LCN2: variants seen among roughly 807,000 people sequenced by gnomAD.
The protein encoded by LCN2 is neutrophil gelatinase-associated lipocalin.
LCN2 carries 27 observed loss-of-function variants against 26.4 expected under a neutral mutation model. The ratio of observed to expected loss-of-function variants is 1.02; its 90% CI spans 0.76 to 1.41. The LOEUF (loss-of-function observed/expected upper bound fraction) is 1.41. Among genes scored for constraint, LCN2 ranks in the 40% most tolerant of loss-of-function variants. The pLI is 0.00. For missense variants in LCN2, 224 were observed against 237.6 expected (o/e 0.94, Z 0.38); for synonymous variants, 94 against 98.9 (o/e 0.95, Z 0.30).
rs1382119845 is a variant in LCN2 at position 128,153,035 on chromosome 9, C to T, written c.578-65C>T. On this transcript the variant is annotated intron_variant, in intron 5 of 6. Transcript: ENST00000277480. This position sits in a 1 kb window ranked among gnomAD's most constrained non-coding sequence, Gnocchi z 5.4. ...GAGGACCTGGCAGTCAGGGATCACA[C>T]ACACACACTCATACACGCACACACA... 5.6e-6 allele frequency: 9 copies of T among 1,612,110 alleles called. No homozygotes were observed. The Admixed American group carries it at 1.5e-4, about 27-fold the overall frequency.
chr9:128,152,321 G>A (rs1234499176), intron 5 of LCN2, 37 bp downstream of exon 5: 1 of 1,556,946 alleles, frequency 6.4e-7, no homozygotes, highest in South Asian at 1.1e-5. Flanking sequence ...GGGGACATGG[G>A]GACTGTTCAG....
chr9:128,152,452 C>A, intron 5 of LCN2, 168 bp downstream of exon 5: 1 of 638,906 alleles, frequency 1.6e-6, no homozygotes. Context: ...GAAGACTGTG[C>A]CCCACCCCAG....
intron 2 of LCN2, chr9:128,150,674 G>A: frequency 1.8e-6 from 1 of 569,860 alleles, no homozygotes; most frequent in Non-Finnish European, 3.3e-6. Context: ...TTCATGGAAG[G>A]CTTCCAGGGA....
At chr9:128,152,399 AG>A in intron 5 of LCN2, 115 bp downstream of exon 5, 4 of 903,000 alleles carry the variant, frequency 4.4e-6, no homozygotes, top group Non-Finnish European at 7.0e-6. Flanking sequence ...TCACTGGAGC[AG>A]TGGATGGTCC....
In LCN2 at chr9:128,153,165, G is replaced by T. The variant is rs373628351; in HGVS notation, c.*7+39G>T. 6.2e-7 allele frequency: 1 copy of T among 1,613,332 alleles called. No individual in the cohort carries two copies. Among genetic ancestry groups the T allele is most frequent in the African/African-American group, 1.3e-5 (1 of 74,892 alleles). On this transcript the variant is annotated intron_variant, in intron 6 of 6. Transcript: ENST00000277480. The surrounding 1 kb of genome is among the most constrained non-coding windows in gnomAD (Gnocchi z 5.4). ...GGCGGCTGCGAGGGGGCTTGTGGGA[G>T]GCCAGGGTGCAGTGGGCTGGGGGTC... is the stretch of plus-strand genomic sequence containing the variant.
chr9:128,151,742 C>G, intron 3 of LCN2, 25 bp downstream of exon 3: 1 of 1,610,152 alleles, frequency 6.2e-7, no homozygotes, highest in Non-Finnish European at 8.5e-7. Flanking sequence ...AGGTGGGGCA[C>G]TGAGTTGGGG....
rs745942620 is a variant in LCN2, at chr9:128,151,647, G to A, written c.285G>A (p.Lys95=). ...NVTSVLFRKK[K]CDYWIRTFVP... ...ATCTCTCCCTCCCAAGGAAAAAGAA[G>A]TGTGACTACTGGATCAGGACTTTTG... Residue 95 remains lysine, a synonymous_variant, in exon 3 of 7, where the codon AAG becomes AAA. Transcript: ENST00000277480. 1.2e-6 allele frequency: 2 copies of A among 1,614,052 alleles called. No homozygotes were observed. The highest frequency in any genetic ancestry group is 1.7e-6 in the Non-Finnish European group (2 of 1,179,874).
chr9:128,153,400 C>T lies in LCN2; in HGVS notation c.*97C>T. 1.8e-6 allele frequency: 1 copy of T among 560,556 alleles called. No homozygotes were observed. The highest frequency in any genetic ancestry group is 3.2e-6 in the Non-Finnish European group (1 of 310,400). The allele number at this position is 560,556 out of a possible 1,614,324, so 34.7% of individuals were successfully genotyped here. ...GCCACCCATGCAGCTGCTCCCCAGG[C>T]CACCCCGCTGATGGAGCCCCACCTT... On this transcript the variant is annotated 3_prime_UTR_variant, in exon 7 of 7. Transcript: ENST00000277480. This position sits in a 1 kb window ranked among gnomAD's most constrained non-coding sequence, Gnocchi z 5.4.
Position 128,153,025 on chromosome 9 carries a change from A to G in LCN2, c.578-75A>G. 1 of 1,609,026 alleles carries G rather than the reference A, an allele frequency of 6.2e-7. No homozygotes were observed. The highest frequency in any genetic ancestry group is 8.5e-7 in the Non-Finnish European group (1 of 1,176,224). On this transcript the variant is annotated intron_variant, in intron 5 of 6. Coordinates refer to ENST00000277480, the MANE Select transcript of LCN2 (RefSeq NM_005564.5). This position sits in a 1 kb window ranked among gnomAD's most constrained non-coding sequence, Gnocchi z 5.4. ...GGGCAGTGCAGAGGACCTGGCAGTC[A>G]GGGATCACACACACACACTCATACA...
chr9:128,150,725 G>A (rs1287460930), intron 2 of LCN2: 2 of 464,914 alleles, frequency 4.3e-6, no homozygotes, highest in Non-Finnish European at 8.5e-6. Context: ...AAGGAAATGT[G>A]GGGTGTTCCC....
intron 2 of LCN2, chr9:128,151,352 G>A (rs1257144191): frequency 1.8e-6 from 1 of 568,022 alleles, no homozygotes; most frequent in Non-Finnish European, 3.2e-6. Context: ...CACCCAGGGA[G>A]GCAGCCAAAG....
chr9:128,150,192 C>T, intron 1 of LCN2, 46 bp from the exon 2 acceptor site: 1 of 1,587,676 alleles, frequency 6.3e-7, no homozygotes, highest in Non-Finnish European at 8.6e-7. Context: ...GGAGGGGTGG[C>T]TCCTAGGGCC....
At chr9:128,150,575 A>C in intron 2 of LCN2, 1 of 736,666 alleles carries the variant, frequency 1.4e-6, no homozygotes, top group Non-Finnish European at 2.4e-6. Context: ...GGACATGCAC[A>C]GTCGTTAGAA....
At position 128,149,596 on chromosome 9, in the gene LCN2, C is replaced by T; in HGVS notation, c.71C>T (p.Thr24Ile). The change falls in exon 1 of 7, where the codon ACC becomes ATC. Residue 24 changes from threonine (T) to isoleucine (I), a missense_variant. Thr to Ile is a moderately conservative substitution (Grantham distance 89, BLOSUM62 -1). Transcript: ENST00000277480. Reference protein sequence around the residue: ...GALHAQAQDSTSDLIPAPPLS... With the variant: ...GALHAQAQDSISDLIPAPPLS... Reference sequence around the variant, plus strand: ...CTGCATGCCCAGGCCCAGGACTCCACCTCAGACCTGATCCCAGCCCCACCT... The same window carrying T: ...CTGCATGCCCAGGCCCAGGACTCCATCTCAGACCTGATCCCAGCCCCACCT... 6 of 1,613,930 alleles carry T rather than the reference C, an allele frequency of 3.7e-6. No individual in the cohort carries two copies. Among genetic ancestry groups the T allele is most frequent in the Non-Finnish European group, 4.2e-6 (5 of 1,179,936 alleles).
intron 2 of LCN2, chr9:128,150,619 G>A (rs1032345107): frequency 2.0e-5 from 13 of 649,702 alleles, no homozygotes; most frequent in South Asian, 9.0e-5. Flanking sequence ...GCCTGGGAGC[G>A]GGAGGAGGGG....
intron 2 of LCN2, chr9:128,151,362 G>A (rs546546875): frequency 7.0e-6 from 4 of 573,408 alleles, no homozygotes; most frequent in South Asian, 2.4e-5. Context: ...GGCAGCCAAA[G>A]GAAAGAAGGA....
In LCN2 at chr9:128,152,283, C is replaced by G. The variant is rs143776517; in HGVS notation, c.576C>G (p.Ile192Met). The stretch of plus-strand genomic sequence containing the variant: ...ACCACATCGTCTTCCCTGTCCCAAT[C>G]GGTAATGGCCAGTCTGGATGAGGGG... ...PENHIVFPVPIDQCIDG is the reference protein window; with the variant it reads ...PENHIVFPVPMDQCIDG Residue 192 changes from isoleucine (I) to methionine (M), a missense_variant and splice_region_variant, in exon 5 of 7, where the codon ATC becomes ATG. Ile to Met is a conservative substitution (Grantham distance 10). Coordinates refer to ENST00000277480, the MANE Select transcript of LCN2 (RefSeq NM_005564.5). The G allele has an allele frequency of 6.8e-4, 1,097 of 1,613,018 alleles. 1 individual carries two copies. Among genetic ancestry groups the G allele is most frequent in the Admixed American group, 9.8e-4 (59 of 59,994 alleles).
chr9:128,153,258 C>A lies in LCN2; in HGVS notation c.*8-53C>A. 1 of 1,095,974 alleles carries A rather than the reference C, an allele frequency of 9.1e-7. No individual in the cohort carries two copies. The highest frequency in any genetic ancestry group is 1.4e-6 in the Non-Finnish European group (1 of 726,130). The allele number at this position is 1,095,974 out of a possible 1,614,324, so 67.9% of individuals were successfully genotyped here. A position where few individuals can be genotyped will look rare whatever the true frequency, so the allele number is the denominator to read the frequency against. On this transcript the variant is annotated intron_variant, in intron 6 of 6. Transcript: ENST00000277480. The surrounding 1 kb of genome is among the most constrained non-coding windows in gnomAD (Gnocchi z 5.4). ...GCTGTCTTTATTCTGCTGTCCCCAT[C>A]TCGGGTGCCTCCCATTTCCCCACCC...
chr9:128,149,747 G>T (rs2130876467), intron 1 of LCN2, 84 bp downstream of exon 1: 1 of 1,548,258 alleles, frequency 6.5e-7, no homozygotes, highest in South Asian at 1.2e-5. Context: ...GACTCAGGAA[G>T]AGCGTTGGGC....
Sources: gnomAD v4.1 joint callset for allele counts on GRCh38, gnomAD v4.1.1 for gene constraint, Gnocchi (gnomAD v3.1) non-coding constraint, MANE v1.5 for transcripts, NCBI Gene and HGNC (gene_info 2026-07-23, HGNC 2026-07-21) for gene names.